Variants in CSMD1 observed in about 807,000 individuals in gnomAD.
CSMD1 encodes CUB and sushi domain-containing protein 1.
CSMD1 carries 213 observed loss-of-function variants against 417.5 expected under a neutral mutation model. The observed-to-expected ratio is 0.51, with a 90% CI of 0.46 to 0.57. The LOEUF is 0.57. Ranked by LOEUF, CSMD1 falls within the 20% of genes least tolerant of loss-of-function variation. The probability of loss-of-function intolerance (pLI) is 0.00; values close to 1 mark genes in which losing one functional copy is unlikely to be tolerated. For missense variants in CSMD1, 6,923 were observed against 4,529.7 expected (o/e 1.53, Z -15.17); for synonymous variants, 2,862 against 1,736.8 (o/e 1.65, Z -16.11).
intron 26 of CSMD1, among the ~76,000 whole-genome samples, chr8:3,275,816 A>G (rs896851696): frequency 1.1e-4 from 16 of 151,990 alleles, no homozygotes; most frequent in African/African-American, 3.9e-4. Context: ...TGGTTATTCT[A>G]GTTATACATT....
At chr8:3,728,394 C>G (rs545172503) in intron 6 of CSMD1, among the ~76,000 whole-genome samples, 19 of 152,296 alleles carry the variant, frequency 1.2e-4, no homozygotes, top group Admixed American at 7.8e-4. Context: ...TTGGGTATGT[C>G]TTTATCAGCA....
chr8:3,694,834 C>G (rs114721455), intron 7 of CSMD1, among the ~76,000 whole-genome samples: 2,953 of 151,842 alleles, frequency 0.019, 88 homozygotes, highest in African/African-American at 0.064. Flanking sequence ...AAGGAATGAG[C>G]CAGGACATGA....
chr8:3,966,523 A>T (rs1023830699), intron 5 of CSMD1, among the ~76,000 whole-genome samples: 1 of 152,026 alleles, frequency 6.6e-6, no homozygotes, highest in African/African-American at 2.4e-5. Flanking sequence ...CCTGGGAGAA[A>T]ATTGTATTCT....
chr8:4,048,615 C>A (rs1189117684), intron 3 of CSMD1, among the ~76,000 whole-genome samples: 1 of 152,200 alleles, frequency 6.6e-6, no homozygotes, highest in African/African-American at 2.4e-5. Flanking sequence ...ACACACCAAA[C>A]AGGTAATTCT....
chr8:4,545,836 C>G lies in CSMD1; in HGVS notation c.302+91506G>C, dbSNP rs568751501. On this transcript the variant is annotated intron_variant, in intron 2 of 69. Coordinates refer to ENST00000635120, the MANE Select transcript of CSMD1 (RefSeq NM_033225.6). ...CTCATCATCTAGGCCACACAGGAGACAGTTTCTAGGAAGATCATTTCATCA... is the reference window on the plus strand; with the variant it reads ...CTCATCATCTAGGCCACACAGGAGAGAGTTTCTAGGAAGATCATTTCATCA... 5.9e-5 allele frequency among the ~76,000 whole-genome samples: 9 copies of G among 152,348 alleles called. No individual in the cohort carries two copies. In the South Asian group the frequency reaches 1.9e-3, roughly 32 times the overall value.
At position 4,355,325 on chromosome 8, in the gene CSMD1, G is replaced by GCACA. The variant is rs34254586; in HGVS notation, c.415+64624_415+64627dup. Among the ~76,000 whole-genome samples the GCACA allele has an allele frequency of 2.2e-3, 321 of 148,776 alleles. 4 individuals carry two copies. Among genetic ancestry groups the GCACA allele is most frequent in the Admixed American group, 0.018 (265 of 15,022 alleles). ...ACTTCATACACACACACACACACACGCACACACACACACGTATATATGATA... is the reference window on the plus strand; with the variant it reads ...ACTTCATACACACACACACACACACGCACACACACACACACACGTATATATGATA... On this transcript the variant is annotated intron_variant, in intron 3 of 69. Transcript: ENST00000635120.
intron 6 of CSMD1, among the ~76,000 whole-genome samples, chr8:3,749,210 G>C (rs189975824): frequency 6.6e-6 from 1 of 152,140 alleles, no homozygotes; most frequent in Admixed American, 6.6e-5. Flanking sequence ...AACATATAAA[G>C]AATGGGCTCA....
At chr8:4,953,062 G>C (rs1051063980) in intron 1 of CSMD1, among the ~76,000 whole-genome samples, 2 of 49,390 alleles carry the variant, frequency 4.0e-5, no homozygotes, top group African/African-American at 1.2e-4. Context: ...CAGATGTTAA[G>C]ACAAAAAAAC....
At chr8:3,271,356 C>A (rs1397113096) in intron 26 of CSMD1, among the ~76,000 whole-genome samples, 1 of 151,884 alleles carries the variant, frequency 6.6e-6, no homozygotes, top group African/African-American at 2.4e-5. Context: ...GGTTCCAAGT[C>A]TTTGCTATTG....
At chr8:4,008,569 A>T (rs1816306464) in intron 4 of CSMD1, among the ~76,000 whole-genome samples, 1 of 149,144 alleles carries the variant, frequency 6.7e-6, no homozygotes, top group African/African-American at 2.5e-5. Context: ...TTAGCACACA[A>T]CACATGATTC....
At chr8:3,287,774 C>T (rs1395209391) in intron 25 of CSMD1, among the ~76,000 whole-genome samples, 1 of 152,080 alleles carries the variant, frequency 6.6e-6, no homozygotes, top group Non-Finnish European at 1.5e-5. Flanking sequence ...TTCCTCTTTT[C>T]CTAATTGAAT....
intron 2 of CSMD1, among the ~76,000 whole-genome samples, chr8:4,463,379 T>A (rs117291967): frequency 9.5e-4 from 144 of 152,306 alleles, no homozygotes; most frequent in Non-Finnish European, 1.8e-3. Context: ...CTCCGGAAGT[T>A]CGACATAACA....
chr8:4,715,945 G>T (rs190680729), intron 1 of CSMD1, among the ~76,000 whole-genome samples: 1 of 152,114 alleles, frequency 6.6e-6, no homozygotes, highest in Non-Finnish European at 1.5e-5. Context: ...CTTGTAAATC[G>T]TCTTCGTTAA....
At chr8:4,186,771 G>C (rs1411526668) in intron 3 of CSMD1, among the ~76,000 whole-genome samples, 2 of 151,718 alleles carry the variant, frequency 1.3e-5, no homozygotes, top group African/African-American at 4.8e-5. Flanking sequence ...TGGATCACTT[G>C]AGGTCAGGAG....
At chr8:4,360,057 G>C (rs1039976037) in intron 3 of CSMD1, among the ~76,000 whole-genome samples, 5 of 152,060 alleles carry the variant, frequency 3.3e-5, no homozygotes, top group Admixed American at 3.3e-4. Context: ...AGTTCCTCTC[G>C]TCTCTGACCG....
chr8:3,849,546 T>C (rs748501444), intron 5 of CSMD1, among the ~76,000 whole-genome samples: 69 of 152,200 alleles, frequency 4.5e-4, no homozygotes, highest in South Asian at 8.3e-4. Context: ...TCAGCAGAAA[T>C]TGGTATCTGC....
intron 3 of CSMD1, among the ~76,000 whole-genome samples, chr8:4,195,759 G>A (rs1799299810): frequency 6.6e-6 from 1 of 152,176 alleles, no homozygotes; most frequent in Non-Finnish European, 1.5e-5. Flanking sequence ...GCTCATGCCA[G>A]GAGGTAGTGG....
chr8:4,034,909 G>A (rs1401810049), intron 3 of CSMD1, among the ~76,000 whole-genome samples: 1 of 152,086 alleles, frequency 6.6e-6, no homozygotes, highest in African/African-American at 2.4e-5. Context: ...TAACCACAAT[G>A]ACCAGTCATT....
At chr8:4,122,688 T>G (rs1364040479) in intron 3 of CSMD1, among the ~76,000 whole-genome samples, 1 of 152,218 alleles carries the variant, frequency 6.6e-6, no homozygotes, top group Non-Finnish European at 1.5e-5. Flanking sequence ...GGGCTGCAGC[T>G]GGGCATGGCT....
Sources: allele counts gnomAD v4.1 joint callset (sites outside exome capture counted in the v4.1 genomes callset), GRCh38; gene constraint gnomAD v4.1.1; transcripts MANE v1.5; gene names NCBI Gene and HGNC (gene_info 2026-07-23, HGNC 2026-07-21).